Variants in DIAPH3 observed in about 807,000 individuals in gnomAD.
DIAPH3 encodes the protein diaphanous related formin 3.
DIAPH3 carries 117 observed loss-of-function variants against 144.3 expected under a neutral mutation model. The ratio of observed to expected loss-of-function variants is 0.81; its 90% CI spans 0.70 to 0.95. The LOEUF is 0.95. Ranked by LOEUF, DIAPH3 falls within the 40% of genes least tolerant of loss-of-function variation. The probability of loss-of-function intolerance (pLI) is 0.00; values close to 1 mark genes in which losing one functional copy is unlikely to be tolerated. For synonymous variants in DIAPH3, 519 were observed against 488.9 expected (o/e 1.06, Z -0.81); for missense variants, 1,421 against 1,412.7 (o/e 1.01, Z -0.09).
At chr13:59,865,297 A>T (rs542059699) in intron 21 of DIAPH3, among the ~76,000 whole-genome samples, 1 of 152,136 alleles carries the variant, frequency 6.6e-6, no homozygotes, top group East Asian at 1.9e-4. Context: ...CTCATATCAT[A>T]CTCACTCATA....
chr13:59,983,815 G>C lies in DIAPH3; in HGVS notation c.1434C>G (p.Asp478Glu). Residue 478 changes from aspartate to glutamate, a missense_variant, in exon 13 of 28, where the codon GAC (aspartate) becomes GAG (glutamate). Physicochemically the swap from Asp to Glu is conservative, Grantham distance 45. Transcript: ENST00000400324. ...AATCTAGTCTTTTTCGATATGTGAA[G>C]TCTGGATCCATTCCATCTCTATGCA... is the stretch of plus-strand genomic sequence containing the variant. ...IVLHRDGMDP[D>E]FTYRKRLDLD... 5 of 1,609,936 alleles carry C rather than the reference G, an allele frequency of 3.1e-6. No homozygotes were observed. The highest frequency in any genetic ancestry group is 2.2e-5 in the East Asian group (1 of 44,732).
intron 22 of DIAPH3, among the ~76,000 whole-genome samples, chr13:59,843,994 T>C (rs896174618): frequency 4.0e-5 from 6 of 151,750 alleles, no homozygotes; most frequent in African/African-American, 1.2e-4. Flanking sequence ...AAATAGCTAA[T>C]GCATGGCAGG....
intron 21 of DIAPH3, among the ~76,000 whole-genome samples, chr13:59,869,275 G>A (rs761516673): frequency 3.9e-5 from 6 of 152,180 alleles, no homozygotes; most frequent in African/African-American, 1.2e-4. Flanking sequence ...TATTGTTTGA[G>A]TTTGCAATTC....
chr13:59,906,551 C>T (rs979726564), intron 20 of DIAPH3, among the ~76,000 whole-genome samples: 2 of 152,056 alleles, frequency 1.3e-5, no homozygotes, highest in Non-Finnish European at 2.9e-5. Context: ...GAGATATGCA[C>T]GAATTTCCTA....
At chr13:59,736,578 A>G (rs1208882061) in intron 27 of DIAPH3, among the ~76,000 whole-genome samples, 7 of 152,168 alleles carry the variant, frequency 4.6e-5, no homozygotes, top group Non-Finnish European at 1.0e-4. Flanking sequence ...TAAAATGGCC[A>G]TATTACCCAA....
intron 25 of DIAPH3, among the ~76,000 whole-genome samples, chr13:59,785,141 A>G (rs1290132397): frequency 6.6e-6 from 1 of 152,206 alleles, no homozygotes; most frequent in Non-Finnish European, 1.5e-5. Flanking sequence ...TAACTGATAA[A>G]ATGATAATCA....
chr13:59,774,779 G>T lies in DIAPH3; in HGVS notation c.3208C>A (p.Gln1070Lys). 6.2e-7 allele frequency: 1 copy of T among 1,614,012 alleles called. No individual in the cohort carries two copies. Among genetic ancestry groups the T allele is most frequent in the Non-Finnish European group, 8.5e-7 (1 of 1,179,896 alleles). ...GVMDNLLEAL[Q>K]SGAAFRDRRK... ...CTGTCGCGGAAGGCAGCCCCGGACT[G>T]CAAGGCCTCCAGCAGATTATCCATC... Residue 1070 changes from glutamine to lysine, a missense_variant, in exon 26 of 28, where the codon CAG becomes AAG. Gln to Lys is a moderately conservative substitution (Grantham distance 53). Coordinates refer to ENST00000400324, the MANE Select transcript of DIAPH3 (RefSeq NM_001042517.2).
intron 24 of DIAPH3, among the ~76,000 whole-genome samples, chr13:59,822,090 T>C (rs962618666): frequency 6.6e-6 from 1 of 152,180 alleles, no homozygotes; most frequent in African/African-American, 2.4e-5. Flanking sequence ...TCTTCCACAA[T>C]TCGTAAAATT....
At chr13:59,865,654 T>C (rs2043873441) in intron 21 of DIAPH3, among the ~76,000 whole-genome samples, 1 of 151,994 alleles carries the variant, frequency 6.6e-6, no homozygotes, top group Non-Finnish European at 1.5e-5. Flanking sequence ...AACCACTCTG[T>C]TCATTCCAGA....
chr13:59,686,952 T>C (rs182776160), intron 27 of DIAPH3, among the ~76,000 whole-genome samples: 3 of 152,226 alleles, frequency 2.0e-5, no homozygotes, highest in Admixed American at 2.0e-4. Context: ...TTCAGAGCCA[T>C]GGAGGTGCTA....
At chr13:59,823,734 T>C (rs1391518896) in intron 24 of DIAPH3, among the ~76,000 whole-genome samples, 2 of 152,182 alleles carry the variant, frequency 1.3e-5, no homozygotes, top group East Asian at 1.9e-4. Flanking sequence ...TCAGCACAAA[T>C]GGCATTTAGA....
intron 5 of DIAPH3, among the ~76,000 whole-genome samples, chr13:60,033,231 C>G (rs1478254251): frequency 6.6e-6 from 1 of 152,198 alleles, no homozygotes; most frequent in Non-Finnish European, 1.5e-5. Context: ...CCTTATTTCC[C>G]ATATTCTTCT....
chr13:59,946,623 CAA>C (rs1640902912), intron 17 of DIAPH3, among the ~76,000 whole-genome samples: 1 of 152,098 alleles, frequency 6.6e-6, no homozygotes, highest in Admixed American at 6.6e-5. Flanking sequence ...TGCAAACACA[CAA>C]AGAGAAACAA....
intron 27 of DIAPH3, among the ~76,000 whole-genome samples, chr13:59,717,983 T>C (rs930366461): frequency 6.6e-6 from 1 of 152,206 alleles, no homozygotes; most frequent in African/African-American, 2.4e-5. Context: ...AACCTGTAAT[T>C]TTAACAATAC....
intron 27 of DIAPH3, among the ~76,000 whole-genome samples, chr13:59,678,661 T>C (rs1472283779): frequency 6.6e-6 from 1 of 152,202 alleles, no homozygotes; most frequent in Non-Finnish European, 1.5e-5. Context: ...AAACATCTGT[T>C]CGTTTAAATT....
chr13:60,015,876 T>C (rs766663425), intron 7 of DIAPH3, 37 bp downstream of exon 7: 7 of 1,551,656 alleles, frequency 4.5e-6, no homozygotes, highest in African/African-American at 1.4e-5. Flanking sequence ...TATTACAAAA[T>C]TGGTGACGGA....
chr13:59,875,476 A>C (rs2044559839), intron 21 of DIAPH3, among the ~76,000 whole-genome samples: 1 of 151,996 alleles, frequency 6.6e-6, no homozygotes, highest in Admixed American at 6.6e-5. Context: ...AGAGGCCCAG[A>C]ATACATATTT....
At chr13:60,115,089 T>A (rs1051440529) in intron 2 of DIAPH3, among the ~76,000 whole-genome samples, 1 of 152,164 alleles carries the variant, frequency 6.6e-6, no homozygotes, top group Non-Finnish European at 1.5e-5. Flanking sequence ...ATTAAAATCA[T>A]AAGAAAGAAA....
At chr13:59,929,503 G>A (rs6562062) in intron 17 of DIAPH3, among the ~76,000 whole-genome samples, 94,059 of 145,964 alleles carry the variant, frequency 0.64, 30,796 homozygotes, top group African/African-American at 0.74. Context: ...TTTATGATAC[G>A]TTTTATTCAT....
Sources: gnomAD v4.1 joint callset for allele counts (sites outside exome capture counted in the v4.1 genomes callset) on GRCh38, gnomAD v4.1.1 for gene constraint, MANE v1.5 for transcripts, NCBI Gene and HGNC (gene_info 2026-07-23, HGNC 2026-07-21) for gene names.